CCNYL1: variants seen among roughly 807,000 people sequenced by gnomAD.
CCNYL1 encodes cyclin-Y-like protein 1.
CCNYL1 carries 16 observed loss-of-function variants against 44.2 expected under a neutral mutation model. That is an observed-to-expected ratio of 0.36 (90% CI 0.25 to 0.55). CCNYL1 has a LOEUF of 0.55. Among genes scored for constraint, CCNYL1 ranks in the 20% least tolerant of loss-of-function variants. The probability of loss-of-function intolerance (pLI) is 0.85; values close to 1 mark genes in which losing one functional copy is unlikely to be tolerated. For missense variants in CCNYL1, 348 were observed against 451.8 expected (o/e 0.77, Z 2.08); for synonymous variants, 159 against 163.2 (o/e 0.97, Z 0.20).
intron 1 of CCNYL1, among the ~76,000 whole-genome samples, chr2:207,723,732 C>T (rs555606550): frequency 1.3e-5 from 2 of 151,856 alleles, no homozygotes; most frequent in South Asian, 2.1e-4. Context: ...AAAAATTAGC[C>T]GGCGTGGTGG....
At chr2:207,737,507 C>A in intron 5 of CCNYL1, 61 bp downstream of exon 5, 1 of 1,309,804 alleles carries the variant, frequency 7.6e-7, no homozygotes, top group South Asian at 1.2e-5. Context: ...ATATCAAGTT[C>A]AGTATTAGGT....
intron 5 of CCNYL1, among the ~76,000 whole-genome samples, 180 bp downstream of exon 5, chr2:207,737,626 C>T (rs2091775534): frequency 6.6e-6 from 1 of 151,856 alleles, no homozygotes; most frequent in Non-Finnish European, 1.5e-5. Context: ...TACTGAGGAT[C>T]CCAAAGAGTA....
rs1318077800 is a variant in CCNYL1 at position 207,737,551 on chromosome 2, A to G, written c.467+105A>G. 13 of 896,682 alleles carry G rather than the reference A, an allele frequency of 1.4e-5. No individual in the cohort carries two copies. In the East Asian group the frequency reaches 2.1e-4, roughly 15 times the overall value. The allele number at this position is 896,682 out of a possible 1,614,324, so 55.5% of individuals were successfully genotyped here. Reference sequence around the variant, plus strand: ...TAGACATCATAAGCTATAGATTGCTATTACAGTATTGAACTGAATCATTTG... The same window carrying G: ...TAGACATCATAAGCTATAGATTGCTGTTACAGTATTGAACTGAATCATTTG... On this transcript the variant is annotated intron_variant, in intron 5 of 9. Transcript: ENST00000295414.
chr2:207,751,723 G>A (rs1468377530), intron 9 of CCNYL1, among the ~76,000 whole-genome samples: 7 of 152,038 alleles, frequency 4.6e-5, no homozygotes, highest in Admixed American at 6.6e-5. Flanking sequence ...CCGTGGTGGC[G>A]CATGCCTGTA....
chr2:207,751,225 TTAAC>T (rs938556547), intron 9 of CCNYL1, 106 bp downstream of exon 9: 30 of 992,430 alleles, frequency 3.0e-5, no homozygotes, highest in East Asian at 1.0e-4. Flanking sequence ...AGCTTTAAAA[TTAAC>T]TAACACTGAA....
At chr2:207,752,392 A>G (rs549453812) in intron 9 of CCNYL1, among the ~76,000 whole-genome samples, 33 of 151,938 alleles carry the variant, frequency 2.2e-4, no homozygotes, top group African/African-American at 7.5e-4. Flanking sequence ...AAATTCAAAA[A>G]TTAGCCGGGC....
chr2:207,744,189 C>T (rs2091835136), intron 7 of CCNYL1, among the ~76,000 whole-genome samples: 1 of 151,936 alleles, frequency 6.6e-6, no homozygotes, highest in African/African-American at 2.4e-5. Context: ...GCTGGCATTA[C>T]AGGCAGCCAG....
chr2:207,717,208 A>G (rs2105817445), intron 1 of CCNYL1, among the ~76,000 whole-genome samples: 1 of 151,866 alleles, frequency 6.6e-6, no homozygotes, highest in Non-Finnish European at 1.5e-5. Flanking sequence ...GTTTCTTGGT[A>G]GCCTATCTTG....
chr2:207,726,989 G>T lies in CCNYL1; in HGVS notation c.330+113G>T, dbSNP rs571857972. 8.2e-5 allele frequency: 53 copies of T among 644,398 alleles called. No individual in the cohort carries two copies. The African/African-American group carries it at 8.7e-4, about 11-fold the overall frequency. The allele number at this position is 644,398 out of a possible 1,614,324, so 39.9% of individuals were successfully genotyped here. A position where few individuals can be genotyped will look rare whatever the true frequency, so the allele number is the denominator to read the frequency against. ...ATACTGTTAGTATGAGCCTCTTTTT[G>T]TGGATTTTCTAAATCATTTCTATTT... On this transcript the variant is annotated intron_variant, in intron 3 of 9. Coordinates refer to ENST00000295414, the MANE Select transcript of CCNYL1 (RefSeq NM_001330218.2).
In CCNYL1 at chr2:207,754,149, G is replaced by C. The variant is rs1441533331; in HGVS notation, c.*451G>C. 6.5e-6 allele frequency: 1 copy of C among 153,202 alleles called. No individual in the cohort carries two copies. The highest frequency in any genetic ancestry group is 1.5e-5 in the Non-Finnish European group (1 of 68,546). 9.5% of individuals were successfully genotyped at this position (153,202 alleles called of 1,614,324 possible). On this transcript the variant is annotated 3_prime_UTR_variant, in exon 10 of 10. Coordinates refer to ENST00000295414, the MANE Select transcript of CCNYL1 (RefSeq NM_001330218.2). Reference sequence around the variant, plus strand: ...ATGCAGTATTACCATTAAAACATGGGACTCTAACTAAAGCCACTTAGGAGC... The same window carrying C: ...ATGCAGTATTACCATTAAAACATGGCACTCTAACTAAAGCCACTTAGGAGC...
intron 1 of CCNYL1, among the ~76,000 whole-genome samples, chr2:207,724,483 T>G (rs2091664916): frequency 6.6e-6 from 1 of 152,160 alleles, no homozygotes; most frequent in Non-Finnish European, 1.5e-5. Context: ...GAGGAGAGTG[T>G]GGTTATATTT....
chr2:207,724,155 T>C (rs1167270702), intron 1 of CCNYL1, among the ~76,000 whole-genome samples: 1 of 152,134 alleles, frequency 6.6e-6, no homozygotes, highest in Non-Finnish European at 1.5e-5. Context: ...ACCATGCTGT[T>C]AGAAGGAAGA....
intron 3 of CCNYL1, among the ~76,000 whole-genome samples, chr2:207,733,241 A>G (rs1201633630): frequency 6.6e-6 from 1 of 152,228 alleles, no homozygotes; most frequent in Non-Finnish European, 1.5e-5. Flanking sequence ...TAAAATTAAT[A>G]ACATTTTGAA....
intron 7 of CCNYL1, among the ~76,000 whole-genome samples, chr2:207,744,228 TTGTG>T (rs61530643): frequency 1.3e-5 from 2 of 150,220 alleles, no homozygotes; most frequent in African/African-American, 4.9e-5. Flanking sequence ...CAGGAACATT[TTGTG>T]TGTGTGTGTG....
intron 7 of CCNYL1, among the ~76,000 whole-genome samples, chr2:207,745,611 G>A (rs1008636526): frequency 2.0e-5 from 3 of 152,188 alleles, no homozygotes; most frequent in African/African-American, 7.2e-5. Flanking sequence ...GATCTGATCT[G>A]CCTATCTGAT....
chr2:207,746,993 T>C, intron 7 of CCNYL1, 54 bp from the exon 8 acceptor site: 1 of 1,382,168 alleles, frequency 7.2e-7, no homozygotes. Flanking sequence ...AAAAAAAAGC[T>C]TATCAAAGCA....
chr2:207,748,076 T>C (rs1035074134), intron 8 of CCNYL1, among the ~76,000 whole-genome samples: 2 of 152,312 alleles, frequency 1.3e-5, no homozygotes, highest in East Asian at 1.9e-4. Context: ...GAGTCACACA[T>C]TGTATATTTG....
At position 207,712,074 on chromosome 2, in the gene CCNYL1, G is replaced by A. The variant is rs1256821736; in HGVS notation, c.178G>A (p.Gly60Ser). The stretch of plus-strand genomic sequence containing the variant: ...CGAGTTGGATTTCGGAGAGGGCGAG[G>A]GCCACCACCTGCAGCACATCAGCGA... ...PAELDFGEGEGHHLQHISDRE... is the reference protein window; with the variant it reads ...PAELDFGEGESHHLQHISDRE... Residue 60 changes from glycine (G) to serine (S), a missense_variant, in exon 1 of 10, where the codon GGC becomes AGC. Physicochemically the swap from Gly to Ser is moderately conservative, Grantham distance 56. Coordinates refer to ENST00000295414, the MANE Select transcript of CCNYL1 (RefSeq NM_001330218.2). 6.3e-7 allele frequency: 1 copy of A among 1,583,796 alleles called. No individual in the cohort carries two copies. Among genetic ancestry groups the A allele is most frequent in the Non-Finnish European group, 8.6e-7 (1 of 1,166,664 alleles).
At chr2:207,747,343 C>A in intron 8 of CCNYL1, 130 bp downstream of exon 8, 1 of 678,684 alleles carries the variant, frequency 1.5e-6, no homozygotes, top group Non-Finnish European at 2.3e-6. Context: ...AAGACTATAT[C>A]TGTCTATCTT....
Sources: gnomAD v4.1 joint callset for allele counts (sites outside exome capture counted in the v4.1 genomes callset) on GRCh38, gnomAD v4.1.1 for gene constraint, MANE v1.5 for transcripts, NCBI Gene and HGNC (gene_info 2026-07-23, HGNC 2026-07-21) for gene names.